Variants in CNDP1 observed in about 807,000 individuals in gnomAD.
The protein encoded by CNDP1 is carnosine dipeptidase 1.
In CNDP1, 44 loss-of-function variants were observed where a neutral mutation model predicts 58.1. That is an observed-to-expected ratio of 0.76 (90% CI 0.60 to 0.97). The LOEUF (loss-of-function observed/expected upper bound fraction) is 0.97. CNDP1 is among the 50% of genes least tolerant of loss of function. CNDP1 has a pLI of 0.00. For missense variants in CNDP1, 616 were observed against 655.1 expected (o/e 0.94, Z 0.65); for synonymous variants, 254 against 252.6 (o/e 1.01, Z -0.05).
At chr18:74,535,412 G>A (rs74801509) in intron 1 of CNDP1, among the ~76,000 whole-genome samples, 1 of 152,122 alleles carries the variant, frequency 6.6e-6, no homozygotes, top group Non-Finnish European at 1.5e-5. Context: ...ATGCAAATGC[G>A]AGGCTGGAGA....
chr18:74,568,648 A>G (rs1453257669), intron 6 of CNDP1, among the ~76,000 whole-genome samples: 1 of 152,164 alleles, frequency 6.6e-6, no homozygotes, highest in African/African-American at 2.4e-5. Flanking sequence ...GGCTTTGGGT[A>G]GGTAGAGAGC....
Position 74,578,334 on chromosome 18 carries a change from A to C in CNDP1, c.1167+7A>C, listed in dbSNP as rs1253329231. 2 of 1,599,368 alleles carry C rather than the reference A, an allele frequency of 1.3e-6. No individual in the cohort carries two copies. Among genetic ancestry groups the C allele is most frequent in the Non-Finnish European group, 1.7e-6 (2 of 1,172,596 alleles). ...GTCTGCGGTGGAAAAACAGGTAACA[A>C]ATGCTTATTGTGACAATAACATGTT... On this transcript the variant is annotated splice_region_variant and intron_variant, in intron 9 of 11. Coordinates refer to ENST00000358821, the MANE Select transcript of CNDP1 (RefSeq NM_032649.6).
In CNDP1 at chr18:74,556,356, GTGC is replaced by G. The variant is rs10663835; in HGVS notation, c.58_60del (p.Leu20del). The G allele has an allele frequency of 1.6e-3, 2,461 of 1,564,258 alleles. 25 individuals carry two copies. The African/African-American group carries it at 0.027, about 17-fold the overall frequency. The stretch of plus-strand genomic sequence containing the variant: ...CTTCCAGGCTGCGTCCCTGCTGGCT[GTGC>G]TGCTGCTGCTGCTGGAGCGCGGCAT... On this transcript the variant is annotated inframe_deletion, in exon 2 of 12. Coordinates refer to ENST00000358821, the MANE Select transcript of CNDP1 (RefSeq NM_032649.6).
chr18:74,583,669 T>C lies in CNDP1; in HGVS notation c.1418T>C (p.Val473Ala), dbSNP rs745527994. ...KSVVLIPLGA[V>A]DDGEHSQNEK... ...GTGGTGCTAATTCCGCTGGGAGCTG[T>C]TGATGATGGAGAACATTCGCAGAAT... Residue 473 changes from valine to alanine, a missense_variant, in exon 11 of 12, where the codon GTT (valine) becomes GCT (alanine). By Grantham distance (64) the Val-to-Ala change is moderately conservative (BLOSUM62 0). Transcript: ENST00000358821. 1 of 1,614,206 alleles carries C rather than the reference T, an allele frequency of 6.2e-7. No homozygotes were observed. Among genetic ancestry groups the C allele is most frequent in the South Asian group, 1.1e-5 (1 of 91,088 alleles).
At chr18:74,558,192 A>G (rs1203315146) in intron 2 of CNDP1, among the ~76,000 whole-genome samples, 1 of 152,172 alleles carries the variant, frequency 6.6e-6, no homozygotes, top group Non-Finnish European at 1.5e-5. Context: ...AGATCAGTAA[A>G]TCTGTGTAGT....
intron 2 of CNDP1, among the ~76,000 whole-genome samples, chr18:74,557,390 T>G (rs1325452839): frequency 6.6e-6 from 1 of 152,076 alleles, no homozygotes; most frequent in Non-Finnish European, 1.5e-5. Context: ...CTATACAGGG[T>G]CTATACATAT....
chr18:74,534,514 C>A lies in CNDP1; in HGVS notation c.-154C>A. On this transcript the variant is annotated 5_prime_UTR_variant, in exon 1 of 12. Coordinates refer to ENST00000358821, the MANE Select transcript of CNDP1 (RefSeq NM_032649.6). Reference sequence around the variant, plus strand: ...CTTTGTTCTCCAGATGTGAATAGCTCCACTATACCAGCCTCGTCTTCCTTC... The same window carrying A: ...CTTTGTTCTCCAGATGTGAATAGCTACACTATACCAGCCTCGTCTTCCTTC... 1.4e-6 allele frequency: 1 copy of A among 728,112 alleles called. No individual in the cohort carries two copies. The highest frequency in any genetic ancestry group is 1.7e-5 in the South Asian group (1 of 58,816). The allele number at this position is 728,112 out of a possible 1,614,324, so 45.1% of individuals were successfully genotyped here. A position where few individuals can be genotyped will look rare whatever the true frequency, so the allele number is the denominator to read the frequency against.
chr18:74,535,544 C>G (rs1980465172), intron 1 of CNDP1, among the ~76,000 whole-genome samples: 2 of 140,842 alleles, frequency 1.4e-5, no homozygotes, highest in Non-Finnish European at 3.0e-5. Flanking sequence ...GAGAAAGAAC[C>G]TCACCCTGTG....
intron 1 of CNDP1, among the ~76,000 whole-genome samples, chr18:74,544,085 C>G (rs1224815158): frequency 1.3e-5 from 2 of 152,184 alleles, no homozygotes; most frequent in African/African-American, 4.8e-5. Context: ...GACCCTGTCT[C>G]TACAAAAAGC....
intron 1 of CNDP1, among the ~76,000 whole-genome samples, chr18:74,551,397 C>CACACACAA (rs1197699609): frequency 8.7e-5 from 13 of 149,644 alleles, no homozygotes; most frequent in Admixed American, 6.0e-4. Flanking sequence ...CACACACAAA[C>CACACACAA]AAAAACAGAG....
intron 1 of CNDP1, among the ~76,000 whole-genome samples, chr18:74,541,043 G>A (rs186731570): frequency 2.0e-4 from 30 of 152,312 alleles, no homozygotes; most frequent in Non-Finnish European, 3.8e-4. Flanking sequence ...CACTAGCGGC[G>A]TTCTGGGAGA....
At chr18:74,567,481 A>T in intron 6 of CNDP1, 48 bp downstream of exon 6, 3 of 1,463,254 alleles carry the variant, frequency 2.1e-6, no homozygotes, top group Non-Finnish European at 2.9e-6. Flanking sequence ...GGGGTTGTGA[A>T]TGGGAGCACC....
chr18:74,575,866 CA>C (rs1315548472), intron 7 of CNDP1, among the ~76,000 whole-genome samples: 24 of 50,150 alleles, frequency 4.8e-4, no homozygotes, highest in African/African-American at 1.3e-3. Flanking sequence ...TGTGTGTATA[CA>C]TTTTTTTTTT....
chr18:74,580,774 C>T (rs1206473875), intron 10 of CNDP1, among the ~76,000 whole-genome samples: 2 of 152,124 alleles, frequency 1.3e-5, no homozygotes, highest in Non-Finnish European at 2.9e-5. Flanking sequence ...TCAAGACCAG[C>T]CTGGGCAATA....
In CNDP1 at chr18:74,562,060, A is replaced by C. The variant is rs747787545; in HGVS notation, c.480A>C (p.Gly160=). Residue 160 remains glycine, a synonymous_variant, in exon 5 of 12, where the codon GGA becomes GGC. Transcript: ENST00000358821. ...VLTEVDGKLY[G]RGATDNKGPV... Reference sequence around the variant, plus strand: ...CCCTTTTTAAAGGGAAACTTTATGGACGAGGAGCGACCGACAACAAAGGCC... The same window carrying C: ...CCCTTTTTAAAGGGAAACTTTATGGCCGAGGAGCGACCGACAACAAAGGCC... The C allele has an allele frequency of 1.1e-5, 17 of 1,613,962 alleles. No individual in the cohort carries two copies. The highest frequency in any genetic ancestry group is 1.4e-5 in the Non-Finnish European group (17 of 1,179,960).
At chr18:74,565,415 C>A (rs1981302076) in intron 5 of CNDP1, among the ~76,000 whole-genome samples, 1 of 152,180 alleles carries the variant, frequency 6.6e-6, no homozygotes, top group Non-Finnish European at 1.5e-5. Flanking sequence ...TGAGACAAGG[C>A]AAGTCCCTTC....
chr18:74,567,425 A>T lies in CNDP1; in HGVS notation c.748A>T (p.Met250Leu), dbSNP rs779192235. 1 of 1,613,658 alleles carries T rather than the reference A, an allele frequency of 6.2e-7. No individual in the cohort carries two copies. Among genetic ancestry groups the T allele is most frequent in the Admixed American group, 1.7e-5 (1 of 60,008 alleles). ...TYGTRGNSYFMVEVKCRDQDF... is the reference protein window; with the variant it reads ...TYGTRGNSYFLVEVKCRDQDF... ...CGGAACCCGGGGGAACAGCTACTTC[A>T]TGGTGGAGGTATCCACAGAGAGCAG... Residue 250 changes from methionine to leucine, a missense_variant, in exon 6 of 12, where the codon ATG becomes TTG. Met to Leu is a conservative substitution (Grantham distance 15, BLOSUM62 2). Transcript: ENST00000358821.
chr18:74,538,458 T>C (rs1160636738), intron 1 of CNDP1, among the ~76,000 whole-genome samples: 1 of 152,246 alleles, frequency 6.6e-6, no homozygotes, highest in African/African-American at 2.4e-5. Flanking sequence ...TGTGGGTTGT[T>C]TCCACCATTC....
chr18:74,567,560 C>T, intron 6 of CNDP1, 127 bp downstream of exon 6: 1 of 814,734 alleles, frequency 1.2e-6, no homozygotes, highest in Non-Finnish European at 2.0e-6. Flanking sequence ...ACCTGGGACA[C>T]ACGGCCTCAG....
Sources: allele counts gnomAD v4.1 joint callset (sites outside exome capture counted in the v4.1 genomes callset), GRCh38; gene constraint gnomAD v4.1.1; transcripts MANE v1.5; gene names NCBI Gene and HGNC (gene_info 2026-07-23, HGNC 2026-07-21).